NEGR1: variants seen among roughly 807,000 people sequenced by gnomAD.
The protein encoded by NEGR1 is IgLON family member 4.
In NEGR1, 10 loss-of-function variants were observed where a neutral mutation model predicts 40.9. That is an observed-to-expected ratio of 0.24 (90% CI 0.15 to 0.42). NEGR1 has a LOEUF of 0.42. Ranked by LOEUF, NEGR1 falls within the 10% of genes least tolerant of loss-of-function variation. The pLI is 1.00. For missense variants in NEGR1, 352 were observed against 438.9 expected (o/e 0.80, Z 1.77); for synonymous variants, 185 against 166.8 (o/e 1.11, Z -0.84).
At chr1:71,607,495 T>C (rs900031809) in intron 5 of NEGR1, among the ~76,000 whole-genome samples, 1 of 152,184 alleles carries the variant, frequency 6.6e-6, no homozygotes, top group Non-Finnish European at 1.5e-5. Context: ...ATCCCAGCTC[T>C]GCCACTAACT....
At chr1:72,038,816 C>A (rs1380194686) in intron 1 of NEGR1, among the ~76,000 whole-genome samples, 2 of 151,890 alleles carry the variant, frequency 1.3e-5, no homozygotes. Flanking sequence ...GTACAAGGTA[C>A]TGAGTATAAG....
chr1:71,568,988 T>G (rs1395255244), intron 6 of NEGR1, among the ~76,000 whole-genome samples: 2 of 151,214 alleles, frequency 1.3e-5, no homozygotes, highest in East Asian at 3.9e-4. Context: ...ATGATCTTGG[T>G]TCACTGCAAC....
chr1:71,907,513 G>A (rs1011721351), intron 2 of NEGR1, among the ~76,000 whole-genome samples: 1 of 152,074 alleles, frequency 6.6e-6, no homozygotes, highest in Non-Finnish European at 1.5e-5. Context: ...AAACAACAGA[G>A]GCTGGTGAGG....
chr1:71,453,812 T>G (rs1037081023), intron 6 of NEGR1, among the ~76,000 whole-genome samples: 1 of 152,166 alleles, frequency 6.6e-6, no homozygotes, highest in Non-Finnish European at 1.5e-5. Flanking sequence ...AACTCTGGAA[T>G]GGTTCTGAGC....
At chr1:72,059,323 T>G (rs1285428535) in intron 1 of NEGR1, among the ~76,000 whole-genome samples, 1 of 151,536 alleles carries the variant, frequency 6.6e-6, no homozygotes, top group Non-Finnish European at 1.5e-5. Flanking sequence ...TGATCACCCC[T>G]CATGCTGCAG....
At chr1:71,828,832 A>G (rs1445380654) in intron 2 of NEGR1, among the ~76,000 whole-genome samples, 1 of 151,958 alleles carries the variant, frequency 6.6e-6, no homozygotes, top group African/African-American at 2.4e-5. Flanking sequence ...AAGGAAAAAA[A>G]GGTTTGGCTT....
chr1:72,112,178 G>A (rs905974374), intron 1 of NEGR1, among the ~76,000 whole-genome samples: 9 of 149,178 alleles, frequency 6.0e-5, no homozygotes, highest in Admixed American at 6.7e-5. Flanking sequence ...ATTCTCCAAC[G>A]TAAGCATTAG....
At chr1:71,568,097 A>T (rs1056415129) in intron 6 of NEGR1, among the ~76,000 whole-genome samples, 3 of 152,186 alleles carry the variant, frequency 2.0e-5, no homozygotes, top group African/African-American at 7.2e-5. Context: ...AAATGATAGC[A>T]TTACTCCCAT....
Position 72,240,099 on chromosome 1 carries a change from C to T in NEGR1, c.176+42220G>A, listed in dbSNP as rs1354655239. On this transcript the variant is annotated intron_variant, in intron 1 of 6. Coordinates refer to ENST00000357731, the MANE Select transcript of NEGR1 (RefSeq NM_173808.3). ...AACATGAATTCTGCTAAACTTGAAG[C>T]AAGAACAAACATTAAAATTGAGTGG... Among the ~76,000 whole-genome samples the T allele has an allele frequency of 3.9e-5, 6 of 151,904 alleles. No individual in the cohort carries two copies. In the East Asian group the frequency reaches 1.2e-3, roughly 29 times the overall value.
At chr1:71,681,219 G>T (rs1436173068) in intron 4 of NEGR1, among the ~76,000 whole-genome samples, 1 of 151,998 alleles carries the variant, frequency 6.6e-6, no homozygotes, top group East Asian at 1.9e-4. Flanking sequence ...AACTTTAAGG[G>T]GGTAAAAAAA....
intron 6 of NEGR1, among the ~76,000 whole-genome samples, chr1:71,507,057 G>T (rs1647039799): frequency 6.6e-6 from 1 of 152,164 alleles, no homozygotes. Context: ...GAGGGGAAAA[G>T]AATTCATACA....
intron 1 of NEGR1, among the ~76,000 whole-genome samples, chr1:72,150,590 A>G (rs749449001): frequency 3.9e-5 from 6 of 152,094 alleles, no homozygotes; most frequent in Non-Finnish European, 8.8e-5. Context: ...ACTTTTTTTT[A>G]TGGTATTTGA....
chr1:71,587,664 G>GCACACA (rs67250351), intron 6 of NEGR1, among the ~76,000 whole-genome samples: 13 of 150,680 alleles, frequency 8.6e-5, no homozygotes, highest in African/African-American at 2.7e-4. Flanking sequence ...ACACACACAT[G>GCACACA]CACACACACA....
intron 1 of NEGR1, among the ~76,000 whole-genome samples, chr1:72,091,730 G>C (rs545424100): frequency 6.6e-6 from 1 of 151,944 alleles, no homozygotes; most frequent in Non-Finnish European, 1.5e-5. Flanking sequence ...ATCTGTTTGC[G>C]TTGCCACAAA....
intron 1 of NEGR1, among the ~76,000 whole-genome samples, chr1:72,272,323 C>T (rs914316244): frequency 6.6e-6 from 1 of 151,756 alleles, no homozygotes; most frequent in African/African-American, 2.4e-5. Context: ...ACCTACCAAG[C>T]ACTAACTAAG....
At chr1:72,148,410 C>T (rs1650992490) in intron 1 of NEGR1, among the ~76,000 whole-genome samples, 1 of 151,738 alleles carries the variant, frequency 6.6e-6, no homozygotes, top group East Asian at 1.9e-4. Context: ...GTCTCTAGGT[C>T]GTGAAGTTTT....
chr1:72,252,887 C>T (rs1274652007), intron 1 of NEGR1, among the ~76,000 whole-genome samples: 1 of 152,186 alleles, frequency 6.6e-6, no homozygotes, highest in Non-Finnish European at 1.5e-5. Flanking sequence ...GTGAAATTTT[C>T]GAAGTTTAGA....
chr1:71,830,121 C>T (rs984622535), intron 2 of NEGR1, among the ~76,000 whole-genome samples: 6 of 151,898 alleles, frequency 4.0e-5, no homozygotes, highest in Non-Finnish European at 8.8e-5. Flanking sequence ...TAGGACTTTT[C>T]ATCTTTATCA....
chr1:71,448,387 T>G (rs564920584), intron 6 of NEGR1, among the ~76,000 whole-genome samples: 109 of 152,152 alleles, frequency 7.2e-4, no homozygotes, highest in African/African-American at 2.5e-3. Context: ...TCAATTGAGG[T>G]CAGGAGTTCA....
Sources: gnomAD v4.1 joint callset for allele counts (sites outside exome capture counted in the v4.1 genomes callset) on GRCh38, gnomAD v4.1.1 for gene constraint, MANE v1.5 for transcripts, NCBI Gene and HGNC (gene_info 2026-07-23, HGNC 2026-07-21) for gene names.